The following MAPK10 variants were observed in gnomAD, a reference collection of about 807,000 sequenced individuals.
The protein encoded by MAPK10 is JNK3 alpha protein kinase.
A neutral mutation model predicts 59.3 loss-of-function variants in MAPK10; 25 were observed. The observed-to-expected ratio is 0.42, with a 90% CI of 0.31 to 0.59. MAPK10 has a LOEUF of 0.59. Among genes scored for constraint, MAPK10 ranks in the 20% least tolerant of loss-of-function variants. MAPK10 has a pLI of 0.15. For missense variants in MAPK10, 351 were observed against 568.9 expected, an observed-to-expected ratio of 0.62 and a Z score of 3.90; for synonymous variants, 190 against 200.5, an observed-to-expected ratio of 0.95 and a Z score of 0.44.
At chr4:86,222,317 C>T (rs922338839) in intron 2 of MAPK10, among the ~76,000 whole-genome samples, 1 of 152,166 alleles carries the variant, frequency 6.6e-6, no homozygotes, top group Admixed American at 6.5e-5. Context: ...CTAAGGCACT[C>T]ATTTATCCAA....
Position 86,014,132 on chromosome 4 carries a change from CAGA to C in MAPK10, c.*3093_*3095del, listed in dbSNP as rs1742295611. 6.6e-6 allele frequency: 1 copy of C among 152,130 alleles called. No individual in the cohort carries two copies. Among genetic ancestry groups the C allele is most frequent in the Non-Finnish European group, 1.5e-5 (1 of 68,030 alleles). The allele number at this position is 152,130 out of a possible 1,614,324, so 9.4% of individuals were successfully genotyped here. On this transcript the variant is annotated 3_prime_UTR_variant, in exon 14 of 14. Coordinates refer to ENST00000641462, the MANE Select transcript of MAPK10 (RefSeq NM_138982.4). ...ACCAACTGCCCCAAAGGAAGCCTAACAGAAGGTTAGGCTCCTCAGAGTGCCAAC... is the reference window on the plus strand; with the variant it reads ...ACCAACTGCCCCAAAGGAAGCCTAACAGGTTAGGCTCCTCAGAGTGCCAAC...
intron 1 of MAPK10, among the ~76,000 whole-genome samples, chr4:86,418,700 G>A (rs188397080): frequency 2.0e-5 from 3 of 152,192 alleles, no homozygotes; most frequent in African/African-American, 7.2e-5. Flanking sequence ...CCTTCATTAC[G>A]TGAAAAAGAC....
chr4:86,464,052 G>A (rs951048284), intron 1 of MAPK10, among the ~76,000 whole-genome samples: 2 of 151,980 alleles, frequency 1.3e-5, no homozygotes, highest in African/African-American at 2.4e-5. Flanking sequence ...AACTCAGATT[G>A]TTAAATTACA....
chr4:86,526,632 T>C (rs1757486790), intron 1 of MAPK10, among the ~76,000 whole-genome samples: 1 of 152,192 alleles, frequency 6.6e-6, no homozygotes, highest in African/African-American at 2.4e-5. Flanking sequence ...AGGTTAGTTT[T>C]TTTCTAGTTC....
chr4:86,366,034 T>C (rs1737829955), intron 1 of MAPK10, among the ~76,000 whole-genome samples: 1 of 152,210 alleles, frequency 6.6e-6, no homozygotes, highest in African/African-American at 2.4e-5. Context: ...AGATCTTCCT[T>C]ACCTTATAAA....
At chr4:86,207,251 A>C (rs1256352338) in intron 2 of MAPK10, among the ~76,000 whole-genome samples, 3 of 151,662 alleles carry the variant, frequency 2.0e-5, no homozygotes, top group Non-Finnish European at 4.4e-5. Context: ...ATCCAGTTTC[A>C]GCTTTCTACA....
intron 1 of MAPK10, among the ~76,000 whole-genome samples, chr4:86,585,547 A>G (rs937661120): frequency 6.6e-6 from 1 of 152,262 alleles, no homozygotes; most frequent in African/African-American, 2.4e-5. Flanking sequence ...TAATGAATGC[A>G]TAACGGTAGG....
intron 1 of MAPK10, among the ~76,000 whole-genome samples, chr4:86,525,883 G>C (rs1757442507): frequency 6.6e-6 from 1 of 152,086 alleles, no homozygotes; most frequent in South Asian, 2.1e-4. Flanking sequence ...TCTGCTTCTG[G>C]GGAATTTCAA....
At chr4:86,438,480 A>G (rs1030172414) in intron 1 of MAPK10, among the ~76,000 whole-genome samples, 1 of 152,100 alleles carries the variant, frequency 6.6e-6, no homozygotes, top group African/African-American at 2.4e-5. Flanking sequence ...ATCTGAGGTC[A>G]GGAGTTCTAG....
intron 1 of MAPK10, among the ~76,000 whole-genome samples, chr4:86,485,795 A>C (rs1418434750): frequency 6.6e-6 from 1 of 152,226 alleles, no homozygotes; most frequent in Admixed American, 6.5e-5. Context: ...CAATAGGACT[A>C]TTGTCCTTAT....
intron 13 of MAPK10, among the ~76,000 whole-genome samples, chr4:86,023,343 A>C (rs1187576497): frequency 1.3e-5 from 2 of 152,192 alleles, no homozygotes; most frequent in East Asian, 3.8e-4. Context: ...GTAGCTTTGT[A>C]GTAAGTTTTG....
intron 3 of MAPK10, among the ~76,000 whole-genome samples, chr4:86,190,338 A>G (rs2079382552): frequency 6.6e-6 from 1 of 151,716 alleles, no homozygotes; most frequent in African/African-American, 2.4e-5. Flanking sequence ...GCTCTTCTGT[A>G]CCTCCAGTAG....
intron 1 of MAPK10, chr4:86,358,694 T>C (rs1437902024): frequency 2.0e-5 from 3 of 152,248 alleles, no homozygotes; most frequent in Non-Finnish European, 2.9e-5. Flanking sequence ...TATGGATAGA[T>C]AGTTTTCTTG....
chr4:86,287,678 T>C (rs1166578583), intron 2 of MAPK10, among the ~76,000 whole-genome samples: 1 of 152,196 alleles, frequency 6.6e-6, no homozygotes, highest in African/African-American at 2.4e-5. Context: ...GATTACACAC[T>C]ACTACATAAG....
chr4:86,277,297 G>C (rs2094611461), intron 2 of MAPK10: 1 of 152,028 alleles, frequency 6.6e-6, no homozygotes, highest in Non-Finnish European at 1.5e-5. Flanking sequence ...GCTGCCTAAT[G>C]GCTTCTCTCC....
intron 1 of MAPK10, among the ~76,000 whole-genome samples, chr4:86,582,743 A>G (rs1471558521): frequency 6.6e-6 from 1 of 152,230 alleles, no homozygotes; most frequent in African/African-American, 2.4e-5. Flanking sequence ...GTAATTTGAT[A>G]GGACACTTTC....
At chr4:86,311,619 A>G (rs2095670755) in intron 2 of MAPK10, among the ~76,000 whole-genome samples, 1 of 152,112 alleles carries the variant, frequency 6.6e-6, no homozygotes, top group Admixed American at 6.6e-5. Context: ...GTATGATGGT[A>G]GAAATGGTGA....
At chr4:86,211,022 A>G (rs2085641360) in intron 2 of MAPK10, among the ~76,000 whole-genome samples, 1 of 151,364 alleles carries the variant, frequency 6.6e-6, no homozygotes, top group Non-Finnish European at 1.5e-5. Flanking sequence ...ACAGAACAAT[A>G]AAAATTATTA....
chr4:86,134,972 TC>T (rs2149153085), intron 4 of MAPK10, among the ~76,000 whole-genome samples: 1 of 152,298 alleles, frequency 6.6e-6, no homozygotes, highest in Non-Finnish European at 1.5e-5. Context: ...ACTGCGCTTT[TC>T]CGACGGGCTT....
Sources: gnomAD v4.1 joint callset for allele counts (sites outside exome capture counted in the v4.1 genomes callset) on GRCh38, gnomAD v4.1.1 for gene constraint, MANE v1.5 for transcripts, NCBI Gene and HGNC (gene_info 2026-07-23, HGNC 2026-07-21) for gene names.